The following MICU3 variants were observed in gnomAD, a reference collection of about 807,000 sequenced individuals.
MICU3 encodes mitochondrial calcium uptake 3.
MICU3 carries 62 observed loss-of-function variants against 66.5 expected under a neutral mutation model. The ratio of observed to expected loss-of-function variants is 0.93; its 90% CI spans 0.76 to 1.15. The LOEUF (loss-of-function observed/expected upper bound fraction) is 1.15. MICU3 is among the 50% of genes most tolerant of loss of function. The pLI, the probability that MICU3 is intolerant of heterozygous loss-of-function variation, is 0.00. For missense variants in MICU3, 779 were observed against 664.4 expected (o/e 1.17, Z -1.90); for synonymous variants, 308 against 240.7 (o/e 1.28, Z -2.59).
intron 10 of MICU3, among the ~76,000 whole-genome samples, 163 bp from the exon 11 acceptor site, chr8:17,105,250 G>A (rs1244206301): frequency 6.6e-6 from 1 of 152,058 alleles, no homozygotes; most frequent in African/African-American, 2.4e-5. Flanking sequence ...AAGCGATCGT[G>A]TGTTCTTTTC....
intron 1 of MICU3, among the ~76,000 whole-genome samples, chr8:17,050,101 G>T (rs1425322327): frequency 1.3e-5 from 2 of 152,064 alleles, no homozygotes; most frequent in African/African-American, 4.8e-5. Flanking sequence ...ATGCTGCAGT[G>T]ACTATCCAGG....
intron 9 of MICU3, chr8:17,102,410 A>G (rs1801343227): frequency 6.6e-6 from 1 of 152,014 alleles, no homozygotes; most frequent in Non-Finnish European, 1.5e-5. Flanking sequence ...TTTGCATCTT[A>G]TGACTACTAA....
downstream of MICU3, among the ~76,000 whole-genome samples, chr8:17,123,884 G>A (rs1683038165): frequency 6.8e-6 from 1 of 147,902 alleles, no homozygotes; most frequent in South Asian, 2.2e-4. Context: ...TGATTGCATA[G>A]AACTATGTTT....
chr8:17,080,514 A>C (rs1821026426), intron 4 of MICU3, among the ~76,000 whole-genome samples: 1 of 152,124 alleles, frequency 6.6e-6, no homozygotes, highest in Non-Finnish European at 1.5e-5. Flanking sequence ...CCCATTTCCC[A>C]TCCCATTTCC....
chr8:17,049,229 G>A (rs1285403711), intron 1 of MICU3, among the ~76,000 whole-genome samples: 1 of 152,136 alleles, frequency 6.6e-6, no homozygotes, highest in Non-Finnish European at 1.5e-5. Flanking sequence ...AAGACCGAGG[G>A]AAGGGTGGTA....
Position 17,118,721 on chromosome 8 carries a change from C to G in MICU3, c.1539C>G (p.Val513=), listed in dbSNP as rs1802933894. 6.2e-7 allele frequency: 1 copy of G among 1,610,936 alleles called. No individual in the cohort carries two copies. Among genetic ancestry groups the G allele is most frequent in the South Asian group, 1.1e-5 (1 of 90,884 alleles). ...LHRGFRGYKT[V]QKYPTFKSCL... ...CTGTTTTACAGGGTTATAAAACAGT[C>G]CAGAAGTACCCCACTTTCAAATCCT... The change falls in exon 14 of 15, where the codon GTC becomes GTG. Residue 513 remains valine, a synonymous_variant. Transcript: ENST00000318063.
chr8:17,063,788 G>A (rs1328980176), intron 1 of MICU3, among the ~76,000 whole-genome samples: 1 of 152,042 alleles, frequency 6.6e-6, no homozygotes, highest in Non-Finnish European at 1.5e-5. Context: ...ATAATTTAAT[G>A]TTCTTTAAGA....
At chr8:17,076,770 G>GC in intron 3 of MICU3, among the ~76,000 whole-genome samples, 1 of 152,314 alleles carries the variant, frequency 6.6e-6, no homozygotes, top group East Asian at 1.9e-4. Flanking sequence ...TGCAGGTTGT[G>GC]GTTCAGTAGG....
chr8:17,027,442 G>C lies in MICU3; in HGVS notation c.163G>C (p.Glu55Gln), dbSNP rs1047234266. 6.1e-6 allele frequency: 8 copies of C among 1,308,680 alleles called. No homozygotes were observed. The highest frequency in any genetic ancestry group is 8.2e-5 in the Admixed American group (2 of 24,488). The allele number at this position is 1,308,680 out of a possible 1,614,324, so 81.1% of individuals were successfully genotyped here. A position where few individuals can be genotyped will look rare whatever the true frequency, so the allele number is the denominator to read the frequency against. Reference protein sequence around the residue: ...SREDEERAVAEAAWRRRRRWG... With the variant: ...SREDEERAVAQAAWRRRRRWG... Reference sequence around the variant, plus strand: ...AGAGGATGAGGAGAGGGCTGTGGCGGAGGCGGCATGGAGGCGGCGGCGGCG... The same window carrying C: ...AGAGGATGAGGAGAGGGCTGTGGCGCAGGCGGCATGGAGGCGGCGGCGGCG... Residue 55 changes from glutamate to glutamine, a missense_variant, in exon 1 of 15, where the codon GAG becomes CAG. Glu to Gln is a conservative substitution (Grantham distance 29). Transcript: ENST00000318063.
At chr8:17,095,642 C>T (rs536159568) in intron 8 of MICU3, among the ~76,000 whole-genome samples, 14 of 151,976 alleles carry the variant, frequency 9.2e-5, no homozygotes, top group East Asian at 3.9e-4. Flanking sequence ...ACATGGGCAA[C>T]GTTAGGGAGC....
intron 1 of MICU3, among the ~76,000 whole-genome samples, chr8:17,051,057 G>T (rs1478275511): frequency 1.3e-5 from 2 of 152,118 alleles, no homozygotes; most frequent in East Asian, 1.9e-4. Flanking sequence ...CATTTAAATG[G>T]TTTTTTATAT....
At chr8:17,074,234 T>A (rs2150690793) in intron 3 of MICU3, among the ~76,000 whole-genome samples, 1 of 152,164 alleles carries the variant, frequency 6.6e-6, no homozygotes, top group South Asian at 2.1e-4. Context: ...GCCATTGCTC[T>A]ACCAACTAAT....
At chr8:17,091,667 G>A (rs1230148422) in intron 8 of MICU3, among the ~76,000 whole-genome samples, 2 of 152,126 alleles carry the variant, frequency 1.3e-5, no homozygotes, top group Non-Finnish European at 2.9e-5. Context: ...ATCCATATAA[G>A]TAATTGTTTT....
intron 13 of MICU3, among the ~76,000 whole-genome samples, chr8:17,118,076 G>A (rs1425179968): frequency 6.6e-6 from 1 of 152,172 alleles, no homozygotes; most frequent in East Asian, 1.9e-4. Context: ...TTTAGGTGAT[G>A]CCAGAAGTAC....
At chr8:17,055,644 A>G (rs1434686322) in intron 1 of MICU3, among the ~76,000 whole-genome samples, 4 of 152,080 alleles carry the variant, frequency 2.6e-5, no homozygotes, top group Non-Finnish European at 5.9e-5. Context: ...CTTCTCCCAT[A>G]CTTTATTTCC....
chr8:17,049,524 A>T (rs922797009), intron 1 of MICU3: 1 of 500,846 alleles, frequency 2.0e-6, no homozygotes, highest in African/African-American at 2.0e-5. Flanking sequence ...TTATTTGTCC[A>T]TTTTATAGTT....
At chr8:17,114,266 C>A in intron 12 of MICU3, 65 bp downstream of exon 12, 3 of 1,042,076 alleles carry the variant, frequency 2.9e-6, no homozygotes, top group Non-Finnish European at 2.9e-6. Context: ...TAGATTTTGG[C>A]AACCAATTAA....
At chr8:17,027,900 C>G (rs1421943635) in intron 1 of MICU3, among the ~76,000 whole-genome samples, 4 of 152,162 alleles carry the variant, frequency 2.6e-5, no homozygotes, top group Non-Finnish European at 5.9e-5. Flanking sequence ...TACCAAGTAT[C>G]AATCCAAACC....
chr8:17,115,917 T>C (rs750958896), intron 12 of MICU3, among the ~76,000 whole-genome samples: 3 of 152,150 alleles, frequency 2.0e-5, no homozygotes, highest in Non-Finnish European at 4.4e-5. Context: ...TCATCTGCCA[T>C]TTCTGTCATC....
Sources: gnomAD v4.1 joint callset for allele counts (sites outside exome capture counted in the v4.1 genomes callset) on GRCh38, gnomAD v4.1.1 for gene constraint, MANE v1.5 for transcripts, NCBI Gene and HGNC (gene_info 2026-07-23, HGNC 2026-07-21) for gene names.